Variants in FBXO42 observed in about 807,000 individuals in gnomAD.
The protein encoded by FBXO42 is F-box protein 42, also known as F-box only protein 42.
FBXO42 carries 12 observed loss-of-function variants against 71.7 expected under a neutral mutation model. The observed-to-expected ratio is 0.17, with a 90% CI of 0.11 to 0.27. FBXO42 has a LOEUF of 0.27. FBXO42 is among the 10% of genes least tolerant of loss of function. FBXO42 has a pLI of 1.00. For missense variants in FBXO42, 707 were observed against 911.9 expected, an observed-to-expected ratio of 0.78 and a Z score of 2.89; for synonymous variants, 325 against 327.5, an observed-to-expected ratio of 0.99 and a Z score of 0.08.
chr1:16,258,661 C>T (rs2081676253), intron 4 of FBXO42, among the ~76,000 whole-genome samples: 2 of 152,100 alleles, frequency 1.3e-5, no homozygotes, highest in Admixed American at 1.3e-4. Flanking sequence ...CTGTCCGTGT[C>T]AACTATTTTG....
At chr1:16,277,035 A>G (rs1480700591) in intron 4 of FBXO42, among the ~76,000 whole-genome samples, 10 of 152,254 alleles carry the variant, frequency 6.6e-5, no homozygotes, top group Non-Finnish European at 1.5e-4. Flanking sequence ...GACAGATATT[A>G]ATACATTTTG....
intron 2 of FBXO42, among the ~76,000 whole-genome samples, chr1:16,313,268 A>T (rs934855920): frequency 1.3e-5 from 1 of 76,624 alleles, no homozygotes; most frequent in Non-Finnish European, 3.4e-5. Flanking sequence ...AAATAAAAAT[A>T]AAAAAAAAAG....
At position 16,305,808 on chromosome 1, in the gene FBXO42, G is replaced by A. The variant is rs1303194705; in HGVS notation, c.362C>T (p.Ser121Leu). Residue 121 changes from serine (S) to leucine (L), a missense_variant, in exon 3 of 10, where the codon TCG becomes TTG. Physicochemically the swap from Ser to Leu is moderately radical, Grantham distance 145 (BLOSUM62 -2). Around this residue, in one of 5 missense-constraint regions of FBXO42, gnomAD observed 188 missense variants for 230.5 expected, o/e 0.82. Coordinates refer to ENST00000375592, the MANE Select transcript of FBXO42 (RefSeq NM_018994.3). ...CTTTCACAGTAAATACTTACTGTGCGAGAAGCGCTGAGTGATTGGGGTTCC... is the reference window on the plus strand; with the variant it reads ...CTTTCACAGTAAATACTTACTGTGCAAGAAGCGCTGAGTGATTGGGGTTCC... ...YPGTPITQRF[S>L]HSACYYDANQ... 4.3e-6 allele frequency: 7 copies of A among 1,613,024 alleles called. No individual in the cohort carries two copies. The highest frequency in any genetic ancestry group is 1.3e-5 in the African/African-American group (1 of 74,904).
At chr1:16,304,230 T>A (rs1209856609) in intron 3 of FBXO42, among the ~76,000 whole-genome samples, 5 of 151,928 alleles carry the variant, frequency 3.3e-5, no homozygotes, top group Admixed American at 3.3e-4. Context: ...AGTTCTCCTG[T>A]CTCAGCCTCC....
At chr1:16,261,030 A>T (rs1432301955) in intron 4 of FBXO42, among the ~76,000 whole-genome samples, 2 of 152,236 alleles carry the variant, frequency 1.3e-5, no homozygotes, top group East Asian at 3.8e-4. Context: ...AAGTCAGAAT[A>T]TATCATGCTG....
intron 4 of FBXO42, among the ~76,000 whole-genome samples, chr1:16,279,492 GCTC>G (rs1481650253): frequency 9.2e-5 from 14 of 152,130 alleles, no homozygotes; most frequent in Non-Finnish European, 1.5e-5. Context: ...CTAGCATCCT[GCTC>G]CTCACCAAAA....
chr1:16,300,893 CTTTTTTTTTTTTT>C (rs34549210), intron 3 of FBXO42, among the ~76,000 whole-genome samples: 1 of 100,896 alleles, frequency 9.9e-6, no homozygotes, highest in Admixed American at 1.1e-4. Flanking sequence ...TAGAATTGGC[CTTTTTTTTTTTTT>C]TTTTTTTTTT....
chr1:16,285,244 A>G (rs987175845), intron 4 of FBXO42, among the ~76,000 whole-genome samples: 4 of 152,062 alleles, frequency 2.6e-5, no homozygotes, highest in Admixed American at 6.6e-5. Context: ...AAAATTCCTC[A>G]AAAGAAAAAA....
At chr1:16,321,912 T>A (rs1016192183) in intron 1 of FBXO42, among the ~76,000 whole-genome samples, 2 of 152,080 alleles carry the variant, frequency 1.3e-5, no homozygotes, top group African/African-American at 4.8e-5. Context: ...CTCACGCCTG[T>A]AATCCCAGCA....
intron 4 of FBXO42, among the ~76,000 whole-genome samples, chr1:16,278,328 G>C (rs1024407419): frequency 6.6e-6 from 1 of 151,318 alleles, no homozygotes; most frequent in African/African-American, 2.4e-5. Context: ...TTGCACTCCA[G>C]CCTGGGCAAC....
intron 1 of FBXO42, among the ~76,000 whole-genome samples, chr1:16,321,724 G>A (rs2082410456): frequency 6.7e-6 from 1 of 149,084 alleles, no homozygotes; most frequent in South Asian, 2.1e-4. Flanking sequence ...ATAGGGTTCT[G>A]CTCTGTCGCC....
chr1:16,285,995 G>A (rs999704418), intron 4 of FBXO42, among the ~76,000 whole-genome samples: 1 of 151,954 alleles, frequency 6.6e-6, no homozygotes, highest in East Asian at 1.9e-4. Context: ...ACCCCTGCCC[G>A]CCTGCATCAG....
chr1:16,347,992 C>CAAAAAAAA (rs541561756), intron 1 of FBXO42, among the ~76,000 whole-genome samples: 26 of 67,448 alleles, frequency 3.9e-4, no homozygotes, highest in African/African-American at 4.4e-4. Context: ...GACTCCGTCT[C>CAAAAAAAA]AAAAAAAAAA....
At chr1:16,347,604 C>T (rs7538485) in intron 1 of FBXO42, among the ~76,000 whole-genome samples, 39,568 of 151,656 alleles carry the variant, frequency 0.26, 5,890 homozygotes, top group Non-Finnish European at 0.34. Context: ...CCTGTAATCC[C>T]AGCACTTTGG....
Position 16,331,628 on chromosome 1 carries a change from ACC to A in FBXO42, c.-17-16195_-17-16194del, listed in dbSNP as rs1238430154. On this transcript the variant is annotated intron_variant, in intron 1 of 9. Coordinates refer to ENST00000375592, the MANE Select transcript of FBXO42 (RefSeq NM_018994.3). ...AAATTAGCCCAGCCTGGTGGTGGGC[ACC>A]TATAATCCCAGCTATTCAGAGGCTG... Among the ~76,000 whole-genome samples, 9 of 150,368 alleles carry A rather than the reference ACC, an allele frequency of 6.0e-5. No homozygotes were observed. In the East Asian group the frequency reaches 1.8e-3, roughly 30 times the overall value.
intron 4 of FBXO42, among the ~76,000 whole-genome samples, chr1:16,277,894 T>A (rs2081921822): frequency 6.6e-6 from 1 of 150,390 alleles, no homozygotes; most frequent in African/African-American, 2.5e-5. Flanking sequence ...TTTAAAAAAT[T>A]AGCTGGGCTT....
intron 1 of FBXO42, among the ~76,000 whole-genome samples, chr1:16,341,330 C>T (rs2082602472): frequency 1.3e-5 from 2 of 152,072 alleles, no homozygotes; most frequent in Admixed American, 6.6e-5. Context: ...GGCTGGAAGC[C>T]GTGGCTCATG....
intron 2 of FBXO42, among the ~76,000 whole-genome samples, chr1:16,312,505 G>A (rs903262372): frequency 2.0e-5 from 3 of 152,206 alleles, no homozygotes; most frequent in African/African-American, 7.2e-5. Context: ...GTGATTGCCA[G>A]TGGTTGGTGG....
At chr1:16,278,479 TC>T (rs1471838007) in intron 4 of FBXO42, among the ~76,000 whole-genome samples, 1 of 152,132 alleles carries the variant, frequency 6.6e-6, no homozygotes, top group East Asian at 1.9e-4. Context: ...TAGACTACTG[TC>T]TTTTTTATTT....
Sources: allele counts gnomAD v4.1 joint callset (sites outside exome capture counted in the v4.1 genomes callset), GRCh38; gene constraint gnomAD v4.1.1; regional missense constraint gnomAD v4.1.1; transcripts MANE v1.5; gene names NCBI Gene and HGNC (gene_info 2026-07-23, HGNC 2026-07-21).